Variants in CABP7 observed in about 807,000 individuals in gnomAD.
CABP7 encodes the protein calcium binding protein 7.
CABP7 carries 13 observed loss-of-function variants against 23.1 expected under a neutral mutation model. The ratio of observed to expected loss-of-function variants is 0.56; its 90% CI spans 0.37 to 0.90. CABP7 has a LOEUF of 0.90. Among genes scored for constraint, CABP7 ranks in the 40% least tolerant of loss-of-function variants. The pLI, the probability that CABP7 is intolerant of heterozygous loss-of-function variation, is 0.01. For missense variants in CABP7, 248 were observed against 295.6 expected (o/e 0.84, Z 1.18); for synonymous variants, 123 against 115.3 (o/e 1.07, Z -0.43).
At chr22:29,724,793 G>C (rs1754499119) in intron 1 of CABP7, among the ~76,000 whole-genome samples, 1 of 152,196 alleles carries the variant, frequency 6.6e-6, no homozygotes, top group Non-Finnish European at 1.5e-5. Flanking sequence ...CCTGAGAAAA[G>C]GCTGCTGGGC....
intron 2 of CABP7, among the ~76,000 whole-genome samples, chr22:29,728,062 T>C (rs1043655772): frequency 2.0e-5 from 3 of 152,100 alleles, no homozygotes; most frequent in Admixed American, 6.5e-5. Flanking sequence ...TGTTGAGAAG[T>C]TTTAAAGTAC....
Position 29,731,247 on chromosome 22 carries a change from T to C in CABP7, c.*1678T>C, listed in dbSNP as rs745770492. On this transcript the variant is annotated 3_prime_UTR_variant, in exon 5 of 5. Transcript: ENST00000216144. ...GGCTCAGCCCCACTGGACTCTGGGC[T>C]GCAGAGGCCACCCCCCAGGTGGGGG... 6.6e-7 allele frequency: 1 copy of C among 1,511,288 alleles called. No homozygotes were observed. Among genetic ancestry groups the C allele is most frequent in the South Asian group, 1.4e-5 (1 of 73,418 alleles). The allele number at this position is 1,511,288 out of a possible 1,614,324, so 93.6% of individuals were successfully genotyped here. A position where few individuals can be genotyped will look rare whatever the true frequency, so the allele number is the denominator to read the frequency against.
Position 29,729,143 on chromosome 22 carries a change from ACAT to A in CABP7, c.462_464del (p.Ile154del), listed in dbSNP as rs778870491. 3.1e-6 allele frequency: 5 copies of A among 1,611,518 alleles called. No homozygotes were observed. The highest frequency in any genetic ancestry group is 4.2e-6 in the Non-Finnish European group (5 of 1,179,956). ...CACCTGTCCATGAAGGACATAGAGA[ACAT>A]CATCATGACGGAGGAGGAGAGCCAC... is the stretch of plus-strand genomic sequence containing the variant. On this transcript the variant is annotated inframe_deletion, in exon 4 of 5. Transcript: ENST00000216144.
Position 29,729,535 on chromosome 22 carries a change from C to T in CABP7, c.614C>T (p.Ala205Val), listed in dbSNP as rs1307536203. The T allele has an allele frequency of 5.6e-6, 9 of 1,612,004 alleles. No individual in the cohort carries two copies. The highest frequency in any genetic ancestry group is 1.3e-5 in the African/African-American group (1 of 74,948). ...TTCATCATCAGTGTCATGCTCATTG[C>T]GGCCAACCAGGTGCTGCGCAGTGGC... Reference protein sequence around the residue: ...IAFIISVMLIAANQVLRSGMK With the variant: ...IAFIISVMLIVANQVLRSGMK The change falls in exon 5 of 5, where the codon GCG becomes GTG. Residue 205 changes from alanine (A) to valine (V), a missense_variant. Ala to Val is a moderately conservative substitution (Grantham distance 64). Coordinates refer to ENST00000216144, the MANE Select transcript of CABP7 (RefSeq NM_182527.3).
Position 29,727,604 on chromosome 22 carries a change from G to T in CABP7, c.110-58G>T, listed in dbSNP as rs2147208113. The T allele has an allele frequency of 6.2e-7, 1 of 1,607,298 alleles. No homozygotes were observed. Among genetic ancestry groups the T allele is most frequent in the South Asian group, 1.1e-5 (1 of 90,758 alleles). On this transcript the variant is annotated intron_variant, in intron 1 of 4. Coordinates refer to ENST00000216144, the MANE Select transcript of CABP7 (RefSeq NM_182527.3). This position sits in a 1 kb window ranked among gnomAD's most constrained non-coding sequence, Gnocchi z 4.2. ...CAGGGTCGGTGATCCTGGGGGTCTG[G>T]AAAGGGGGTCTGTTGGGGACCGGGG...
chr22:29,724,108 A>C (rs938304519), intron 1 of CABP7, among the ~76,000 whole-genome samples: 2 of 152,248 alleles, frequency 1.3e-5, no homozygotes, highest in African/African-American at 4.8e-5. Context: ...AAATGCACCC[A>C]GCTGTGGGGT....
In CABP7 at chr22:29,720,761, T is replaced by A. The variant is rs1467034569; in HGVS notation, c.109+228T>A. ...AGCGGCCCAGCCCCTGCCCGCGTGG[T>A]CCCCAGCGCTGCGGAAACTTGCCGG... On this transcript the variant is annotated intron_variant, in intron 1 of 4. Coordinates refer to ENST00000216144, the MANE Select transcript of CABP7 (RefSeq NM_182527.3). The surrounding 1 kb of genome is among the most constrained non-coding windows in gnomAD (Gnocchi z 5.2). Among the ~76,000 whole-genome samples, 1 of 151,298 alleles carries A rather than the reference T, an allele frequency of 6.6e-6. No individual in the cohort carries two copies.
In CABP7 at chr22:29,720,359, C is replaced by A; in HGVS notation, c.-66C>A. ...CCGCCCGCTCCAGCCGCCCCCGGGG[C>A]CGCCACCGGCCCATGAGCCCCGGCC... On this transcript the variant is annotated 5_prime_UTR_variant, in exon 1 of 5. Transcript: ENST00000216144. The surrounding 1 kb of genome is among the most constrained non-coding windows in gnomAD (Gnocchi z 5.2). 1 of 984,402 alleles carries A rather than the reference C, an allele frequency of 1.0e-6. No homozygotes were observed. Among genetic ancestry groups the A allele is most frequent in the Admixed American group, 4.0e-5 (1 of 24,846 alleles). The allele number at this position is 984,402 out of a possible 1,614,324, so 61.0% of individuals were successfully genotyped here. A position where few individuals can be genotyped will look rare whatever the true frequency, so the allele number is the denominator to read the frequency against.
chr22:29,726,742 G>GC (rs1360145026), intron 1 of CABP7, among the ~76,000 whole-genome samples: 2 of 152,126 alleles, frequency 1.3e-5, no homozygotes, highest in Non-Finnish European at 2.9e-5. Flanking sequence ...ATCGAGCCCC[G>GC]CCCCCCACTC....
chr22:29,729,327 G>A, intron 4 of CABP7, 115 bp from the exon 5 acceptor site: 1 of 1,573,126 alleles, frequency 6.4e-7, no homozygotes, highest in South Asian at 1.2e-5. Context: ...CTAAGCCTCT[G>A]TCCCATTGGG....
At chr22:29,726,117 G>A (rs899722437) in intron 1 of CABP7, among the ~76,000 whole-genome samples, 7 of 152,130 alleles carry the variant, frequency 4.6e-5, no homozygotes, top group Admixed American at 6.5e-5. Context: ...CCCTGGCCCC[G>A]GGGCCATTGG....
intron 1 of CABP7, among the ~76,000 whole-genome samples, chr22:29,723,793 C>T (rs905463613): frequency 6.6e-6 from 1 of 152,236 alleles, no homozygotes; most frequent in East Asian, 1.9e-4. Context: ...CGGAGAGTAG[C>T]AGCCACTGCG....
Position 29,727,725 on chromosome 22 carries a change from T to A in CABP7, c.173T>A (p.Leu58Gln). The A allele has an allele frequency of 6.2e-7, 1 of 1,613,740 alleles. No homozygotes were observed. Among genetic ancestry groups the A allele is most frequent in the Non-Finnish European group, 8.5e-7 (1 of 1,179,952 alleles). The change falls in exon 2 of 5, where the codon CTG (leucine) becomes CAG (glutamine). Residue 58 changes from leucine to glutamine, a missense_variant. Transcript: ENST00000216144. The surrounding 1 kb of genome is among the most constrained non-coding windows in gnomAD (Gnocchi z 4.2). ...DGNGFISKQELGTAMRSLGYM... is the reference protein window; with the variant it reads ...DGNGFISKQEQGTAMRSLGYM... ...AATGGCTTCATCTCCAAGCAGGAGC[T>A]GGGCACAGCCATGCGCTCACTGGGT...
Position 29,727,696 on chromosome 22 carries a change from C to T in CABP7, c.144C>T (p.Asp48=), listed in dbSNP as rs756576434. 35 of 1,613,604 alleles carry T rather than the reference C, an allele frequency of 2.2e-5. No homozygotes were observed. Among genetic ancestry groups the T allele is most frequent in the African/African-American group, 6.7e-5 (5 of 74,908 alleles). The change falls in exon 2 of 5, where the codon GAC becomes GAT. Residue 48 remains aspartate (D), a synonymous_variant. Coordinates refer to ENST00000216144, the MANE Select transcript of CABP7 (RefSeq NM_182527.3). The surrounding 1 kb of genome is among the most constrained non-coding windows in gnomAD (Gnocchi z 4.2). ...AGGCCTTCAAGGTGTTTGACCGTGA[C>T]GGCAATGGCTTCATCTCCAAGCAGG... ...IREAFKVFDR[D]GNGFISKQEL... is the part of the protein sequence containing the mutation.
Position 29,731,684 on chromosome 22 carries a change from C to T in CABP7, c.*2115C>T. ...CATGCGGCCTGTGTAAGAATTAAGG[C>T]AGATTTATATGCACTGATGAGGAAA... On this transcript the variant is annotated 3_prime_UTR_variant, in exon 5 of 5. Transcript: ENST00000216144. The T allele has an allele frequency of 3.7e-6, 1 of 272,634 alleles. No homozygotes were observed. 16.9% of individuals were successfully genotyped at this position (272,634 alleles called of 1,614,324 possible).
At position 29,727,002 on chromosome 22, in the gene CABP7, TG is replaced by T. The variant is rs2067799623; in HGVS notation, c.110-659del. Among the ~76,000 whole-genome samples, 1 of 152,160 alleles carries T rather than the reference TG, an allele frequency of 6.6e-6. No homozygotes were observed. Among genetic ancestry groups the T allele is most frequent in the Admixed American group, 6.5e-5 (1 of 15,278 alleles). ...CCAGCGCAGTGCATTGCTCACCACC[TG>T]AGTCACCGAGGTCATCAGGCCTCGG... On this transcript the variant is annotated intron_variant, in intron 1 of 4. Transcript: ENST00000216144. The surrounding 1 kb of genome is among the most constrained non-coding windows in gnomAD (Gnocchi z 4.2).
chr22:29,728,534 C>T, intron 2 of CABP7, 96 bp from the exon 3 acceptor site: 2 of 758,240 alleles, frequency 2.6e-6, no homozygotes, highest in South Asian at 1.6e-5. Context: ...ACCCGGTAGG[C>T]CCAAGGTGTA....
intron 1 of CABP7, among the ~76,000 whole-genome samples, chr22:29,725,465 C>T (rs9614038): frequency 0.23 from 34,773 of 151,908 alleles, 4,241 homozygotes; most frequent in South Asian, 0.43. Context: ...TGTTTATGCT[C>T]GAAGAGGCAG....
At chr22:29,726,501 G>C (rs1031962195) in intron 1 of CABP7, among the ~76,000 whole-genome samples, 2 of 152,222 alleles carry the variant, frequency 1.3e-5, no homozygotes, top group African/African-American at 4.8e-5. Flanking sequence ...CAGCAGCTCT[G>C]AGCCCACGCT....
Sources: allele counts gnomAD v4.1 joint callset (sites outside exome capture counted in the v4.1 genomes callset), GRCh38; gene constraint gnomAD v4.1.1; non-coding constraint Gnocchi (gnomAD v3.1); transcripts MANE v1.5; gene names NCBI Gene and HGNC (gene_info 2026-07-23, HGNC 2026-07-21).